Variants in COQ10B observed in about 807,000 individuals in gnomAD.
The protein encoded by COQ10B is coenzyme Q10B, also known as coenzyme Q-binding protein COQ10 homolog B, mitochondrial.
Under a neutral mutation model 27.6 loss-of-function variants are expected in COQ10B, and 12 were observed. The observed-to-expected ratio is 0.43, with a 90% CI of 0.28 to 0.70. The LOEUF is 0.70. Ranked by LOEUF, COQ10B falls within the 30% of genes least tolerant of loss-of-function variation. The probability of loss-of-function intolerance (pLI) is 0.17; values close to 1 mark genes in which losing one functional copy is unlikely to be tolerated. For missense variants in COQ10B, 278 were observed against 288.7 expected, an observed-to-expected ratio of 0.96 and a Z score of 0.27; for synonymous variants, 115 against 103.0, an observed-to-expected ratio of 1.12 and a Z score of -0.71.
chr2:197,466,378 A>G (rs1375821031), intron 3 of COQ10B, among the ~76,000 whole-genome samples: 1 of 152,094 alleles, frequency 6.6e-6, no homozygotes, highest in African/African-American at 2.4e-5. Flanking sequence ...TTCCTTTCAT[A>G]TTGATAAGTA....
chr2:197,453,893 A>G, intron 1 of COQ10B: 3 of 1,459,022 alleles, frequency 2.1e-6, no homozygotes, highest in Non-Finnish European at 2.8e-6. Flanking sequence ...GAGGCGGTGA[A>G]TCATCGGCGA....
intron 4 of COQ10B, among the ~76,000 whole-genome samples, chr2:197,472,028 C>T (rs1244077102): frequency 6.6e-6 from 1 of 150,978 alleles, no homozygotes; most frequent in Non-Finnish European, 1.5e-5. Flanking sequence ...AGTAGTAACT[C>T]CCTCTGTTAA....
intron 3 of COQ10B, 46 bp downstream of exon 3, chr2:197,462,777 T>G: frequency 8.5e-7 from 1 of 1,178,210 alleles, no homozygotes; most frequent in Non-Finnish European, 1.2e-6. Flanking sequence ...TTCCATATAT[T>G]AACTTTGTCA....
intron 3 of COQ10B, among the ~76,000 whole-genome samples, chr2:197,468,788 A>G (rs1206526277): frequency 2.0e-5 from 3 of 152,020 alleles, no homozygotes; most frequent in African/African-American, 4.8e-5. Flanking sequence ...GGAGAACACA[A>G]CTCTACAAAA....
chr2:197,470,270 C>A, intron 4 of COQ10B, 99 bp downstream of exon 4: 1 of 632,326 alleles, frequency 1.6e-6, no homozygotes, highest in Non-Finnish European at 2.8e-6. Context: ...ATATTGAATA[C>A]CTTTTTCTGC....
At chr2:197,460,131 G>A (rs574348449) in intron 2 of COQ10B, 50 bp downstream of exon 2, 15 of 1,337,314 alleles carry the variant, frequency 1.1e-5, no homozygotes, top group South Asian at 6.8e-5. Context: ...ACAATTTTCC[G>A]TGGGGTATCG....
chr2:197,467,738 C>T (rs1456390788), intron 3 of COQ10B, among the ~76,000 whole-genome samples: 1 of 152,160 alleles, frequency 6.6e-6, no homozygotes, highest in Admixed American at 6.6e-5. Context: ...TTACCCAATA[C>T]AGTAAAAATT....
chr2:197,454,258 T>G, intron 1 of COQ10B: 1 of 917,762 alleles, frequency 1.1e-6, no homozygotes. Context: ...TTGGTTCATT[T>G]TTTGGTAGGT....
At chr2:197,460,853 T>G (rs1312583414) in intron 2 of COQ10B, among the ~76,000 whole-genome samples, 1 of 152,214 alleles carries the variant, frequency 6.6e-6, no homozygotes, top group Non-Finnish European at 1.5e-5. Context: ...TAAACGGGTG[T>G]GGCCACATTC....
At position 197,473,970 on chromosome 2, in the gene COQ10B, C is replaced by G. The variant is rs377640811; in HGVS notation, c.*46C>G. ...CACCTGCTTCTGACTTTAGTTTGTT[C>G]ACTTTTAGGAAGTATTTTCATGACA... On this transcript the variant is annotated 3_prime_UTR_variant, in exon 5 of 5. Transcript: ENST00000263960. The G allele has an allele frequency of 7.2e-7, 1 of 1,394,700 alleles. No homozygotes were observed. The highest frequency in any genetic ancestry group is 9.5e-7 in the Non-Finnish European group (1 of 1,050,474). The allele number at this position is 1,394,700 out of a possible 1,614,324, so 86.4% of individuals were successfully genotyped here.
intron 2 of COQ10B, among the ~76,000 whole-genome samples, chr2:197,460,325 C>T (rs1390014720): frequency 6.6e-6 from 1 of 151,742 alleles, no homozygotes; most frequent in East Asian, 1.9e-4. Flanking sequence ...CCTTAGCCTC[C>T]CGAGTAGCAG....
rs2106061849 is a variant in COQ10B, at chr2:197,473,810, T to C, written c.603T>C (p.Phe201=). ...ATTCCCAGCTTGCCACACTCTTTTT[T>C]GATGAAGTTGTGAAGCAGATGGTAG... ...LLHSQLATLF[F]DEVVKQMVAA... The change falls in exon 5 of 5, where the codon TTT becomes TTC. Residue 201 remains phenylalanine, a synonymous_variant. Coordinates refer to ENST00000263960, the MANE Select transcript of COQ10B (RefSeq NM_025147.5). 6.3e-7 allele frequency: 1 copy of C among 1,597,762 alleles called. No homozygotes were observed. Among genetic ancestry groups the C allele is most frequent in the South Asian group, 1.1e-5 (1 of 88,558 alleles).
At chr2:197,471,818 T>C (rs1233900686) in intron 4 of COQ10B, among the ~76,000 whole-genome samples, 1 of 151,976 alleles carries the variant, frequency 6.6e-6, no homozygotes, top group Non-Finnish European at 1.5e-5. Flanking sequence ...GGTGCATGCC[T>C]GTAGTCCTAG....
At chr2:197,470,367 G>C (rs1446768195) in intron 4 of COQ10B, among the ~76,000 whole-genome samples, 196 bp downstream of exon 4, 1 of 152,138 alleles carries the variant, frequency 6.6e-6, no homozygotes, top group Non-Finnish European at 1.5e-5. Context: ...TCTGTAGATT[G>C]TAAGATACAT....
chr2:197,455,818 G>A (rs985242114), intron 1 of COQ10B, among the ~76,000 whole-genome samples: 1 of 152,100 alleles, frequency 6.6e-6, no homozygotes, highest in Non-Finnish European at 1.5e-5. Flanking sequence ...AAATTGGCAG[G>A]GCTTGGTGGC....
chr2:197,464,532 A>G (rs1445620568), intron 3 of COQ10B, among the ~76,000 whole-genome samples: 1 of 152,120 alleles, frequency 6.6e-6, no homozygotes, highest in Non-Finnish European at 1.5e-5. Context: ...TCCACTTAAA[A>G]TGCTGTGGAC....
intron 1 of COQ10B, among the ~76,000 whole-genome samples, chr2:197,456,734 G>C (rs1332788354): frequency 2.0e-5 from 3 of 151,678 alleles, no homozygotes; most frequent in Non-Finnish European, 4.4e-5. Context: ...CACTGCACTC[G>C]AGCCTGGGTG....
At chr2:197,459,798 T>G in intron 1 of COQ10B, 134 bp from the exon 2 acceptor site, 1 of 520,930 alleles carries the variant, frequency 1.9e-6, no homozygotes, top group East Asian at 3.4e-5. Context: ...TGTGCCCGTG[T>G]GTGTGTATTT....
At chr2:197,461,081 C>G (rs1173231834) in intron 2 of COQ10B, among the ~76,000 whole-genome samples, 1 of 152,156 alleles carries the variant, frequency 6.6e-6, no homozygotes, top group Admixed American at 6.6e-5. Flanking sequence ...TTTGTTCTCC[C>G]TATTTTTCTG....
Sources: gnomAD v4.1 joint callset for allele counts (sites outside exome capture counted in the v4.1 genomes callset) on GRCh38, gnomAD v4.1.1 for gene constraint, MANE v1.5 for transcripts, NCBI Gene and HGNC (gene_info 2026-07-23, HGNC 2026-07-21) for gene names.